TBC1D2B: variants seen among roughly 807,000 people sequenced by gnomAD.
TBC1D2B encodes TBC1 domain family member 2B.
TBC1D2B carries 64 observed loss-of-function variants against 100.8 expected under a neutral mutation model. That is an observed-to-expected ratio of 0.64 (90% confidence interval 0.52 to 0.78). The LOEUF is 0.78. TBC1D2B is among the 30% of genes least tolerant of loss of function. The probability of loss-of-function intolerance (pLI) is 0.00; values close to 1 mark genes in which losing one functional copy is unlikely to be tolerated. For synonymous variants in TBC1D2B, 480 were observed against 479.7 expected (o/e 1.00, Z -0.01); for missense variants, 1,052 against 1,218.4 (o/e 0.86, Z 2.03).
chr15:78,058,514 C>T (rs548950789), intron 1 of TBC1D2B, among the ~76,000 whole-genome samples: 7 of 152,346 alleles, frequency 4.6e-5, no homozygotes, highest in African/African-American at 1.7e-4. Context: ...TTCAGTGCTC[C>T]AAAAGTGGGG....
intron 2 of TBC1D2B, among the ~76,000 whole-genome samples, chr15:78,048,483 T>C (rs770140809): frequency 2.1e-4 from 32 of 152,338 alleles, no homozygotes; most frequent in East Asian, 3.9e-4. Flanking sequence ...TTCATGAACA[T>C]GTCTTTTGTC....
intron 2 of TBC1D2B, among the ~76,000 whole-genome samples, chr15:78,049,108 G>A (rs564444733): frequency 6.6e-6 from 1 of 152,288 alleles, no homozygotes; most frequent in East Asian, 1.9e-4. Flanking sequence ...GACCCAGTCA[G>A]GAGGAATAGA....
intron 3 of TBC1D2B, among the ~76,000 whole-genome samples, chr15:78,036,368 C>A (rs1407921620): frequency 6.6e-6 from 1 of 152,184 alleles, no homozygotes; most frequent in Non-Finnish European, 1.5e-5. Flanking sequence ...TTGAATATCT[C>A]CTCCAAAACT....
intron 2 of TBC1D2B, among the ~76,000 whole-genome samples, chr15:78,046,997 G>C (rs1341800857): frequency 1.3e-5 from 2 of 152,172 alleles, no homozygotes; most frequent in African/African-American, 4.8e-5. Flanking sequence ...ACACACTGGG[G>C]AAGTATCTTG....
chr15:78,069,812 T>A (rs1241302962), intron 1 of TBC1D2B, among the ~76,000 whole-genome samples: 3 of 152,198 alleles, frequency 2.0e-5, no homozygotes, highest in Admixed American at 2.0e-4. Flanking sequence ...CCTTCTGCTA[T>A]GAGGACACCA....
rs574211546 is a variant in TBC1D2B at position 78,071,133 on chromosome 15, G to GT, written c.360+6159dup. The stretch of plus-strand genomic sequence containing the variant: ...CACCACATCCAGCCACACCTGGCTA[G>GT]TTTTTTTTAATTTTTGTAGGGATAG... On this transcript the variant is annotated intron_variant, in intron 1 of 12. Transcript: ENST00000300584. Among the ~76,000 whole-genome samples, 567 of 151,974 alleles carry GT rather than the reference G, an allele frequency of 3.7e-3. 2 individuals carry two copies. The highest frequency in any genetic ancestry group is 0.017 in the Middle Eastern group (5 of 294).
At chr15:78,023,876 TA>T (rs1405833453) in intron 6 of TBC1D2B, among the ~76,000 whole-genome samples, 2 of 152,156 alleles carry the variant, frequency 1.3e-5, no homozygotes, top group Admixed American at 1.3e-4. Flanking sequence ...AATGAAGTAC[TA>T]AGGGTGGTAT....
At chr15:78,069,434 A>T (rs2073711616) in intron 1 of TBC1D2B, among the ~76,000 whole-genome samples, 1 of 152,200 alleles carries the variant, frequency 6.6e-6, no homozygotes. Flanking sequence ...TCTACTTTTA[A>T]ATCTGTTTGC....
chr15:78,062,631 A>G (rs1395678458), intron 1 of TBC1D2B, among the ~76,000 whole-genome samples: 3 of 152,214 alleles, frequency 2.0e-5, no homozygotes, highest in African/African-American at 7.2e-5. Context: ...CTTTCTACCC[A>G]TAAATGTATA....
At chr15:78,004,315 G>A (rs912060085) in intron 10 of TBC1D2B, among the ~76,000 whole-genome samples, 7 of 152,184 alleles carry the variant, frequency 4.6e-5, no homozygotes, top group African/African-American at 1.4e-4. Context: ...CCCTGGTAAC[G>A]ATGTGTTCAT....
At chr15:78,062,974 T>C (rs1298367816) in intron 1 of TBC1D2B, among the ~76,000 whole-genome samples, 1 of 152,224 alleles carries the variant, frequency 6.6e-6, no homozygotes, top group Non-Finnish European at 1.5e-5. Flanking sequence ...GGCCTCGGAT[T>C]CCTTGCTGGT....
chr15:78,041,073 A>G (rs1327107849), intron 3 of TBC1D2B, among the ~76,000 whole-genome samples: 8 of 152,182 alleles, frequency 5.3e-5, no homozygotes, highest in African/African-American at 1.9e-4. Context: ...AACAGTTGTG[A>G]AACAATCTAA....
Position 78,012,806 on chromosome 15 carries a change from T to C in TBC1D2B, c.2270+17A>G, listed in dbSNP as rs138268229. 1.4e-6 allele frequency: 2 copies of C among 1,450,966 alleles called. No individual in the cohort carries two copies. The highest frequency in any genetic ancestry group is 1.7e-5 in the South Asian group (1 of 57,794). 89.9% of individuals were successfully genotyped at this position (1,450,966 alleles called of 1,614,324 possible). ...TTGCCTAATGGCAAATGGGAACATT[T>C]TGTGCTGTGCACCCACCTGTTTAGG... On this transcript the variant is annotated intron_variant, in intron 9 of 12. Coordinates refer to ENST00000300584, the MANE Select transcript of TBC1D2B (RefSeq NM_144572.2).
rs145036842 is a variant in TBC1D2B, at chr15:78,071,236, G to C, written c.360+6057C>G. Among the ~76,000 whole-genome samples the C allele has an allele frequency of 4.6e-3, 705 of 152,270 alleles. 8 individuals are homozygous for C. The highest frequency in any genetic ancestry group is 0.016 in the African/African-American group (665 of 41,544). ...TCCCATTTCGGCCTCCCAAAGTGCT[G>C]GGATTACAGGAGTGAGCCACTGTGC... On this transcript the variant is annotated intron_variant, in intron 1 of 12. Transcript: ENST00000300584.
chr15:78,007,803 G>A (rs964799677), intron 10 of TBC1D2B, among the ~76,000 whole-genome samples: 1 of 152,198 alleles, frequency 6.6e-6, no homozygotes. Context: ...TTGGCACAGA[G>A]GACCCACCGG....
rs117833159 is a variant in TBC1D2B at position 78,049,431 on chromosome 15, C to T, written c.515-4363G>A. Among the ~76,000 whole-genome samples the T allele has an allele frequency of 2.1e-4, 32 of 152,310 alleles. No individual in the cohort carries two copies. In the East Asian group the frequency reaches 5.6e-3, roughly 27 times the overall value. On this transcript the variant is annotated intron_variant, in intron 2 of 12. Transcript: ENST00000300584. ...GACAAAAGGCCAATTGGGCAGAAGG[C>T]AGCAAAGGCCCCTGCAGTTCTTGAG...
chr15:78,038,969 T>C (rs1219164495), intron 3 of TBC1D2B, among the ~76,000 whole-genome samples: 1 of 152,176 alleles, frequency 6.6e-6, no homozygotes, highest in Non-Finnish European at 1.5e-5. Flanking sequence ...TCCTGGGGGC[T>C]ATCAGAAAAG....
intron 3 of TBC1D2B, among the ~76,000 whole-genome samples, chr15:78,040,645 AGG>A (rs1321308448): frequency 7.0e-4 from 22 of 31,538 alleles, no homozygotes; most frequent in Admixed American, 2.5e-3. Flanking sequence ...AAAGAAAGAA[AGG>A]AAGAGAAAGA....
At chr15:78,008,258 C>T (rs944971011) in intron 10 of TBC1D2B, among the ~76,000 whole-genome samples, 2 of 152,248 alleles carry the variant, frequency 1.3e-5, no homozygotes, top group African/African-American at 2.4e-5. Context: ...TCTGCCCTGG[C>T]CCCTGGCGTC....
Sources: allele counts gnomAD v4.1 joint callset (sites outside exome capture counted in the v4.1 genomes callset), GRCh38; gene constraint gnomAD v4.1.1; transcripts MANE v1.5; gene names NCBI Gene and HGNC (gene_info 2026-07-23, HGNC 2026-07-21).